Variants in RANBP2 observed in about 807,000 individuals in gnomAD.
The protein encoded by RANBP2 is RAN binding protein 2.
Under a neutral mutation model 303.6 loss-of-function variants are expected in RANBP2, and 57 were observed. The observed-to-expected ratio is 0.19, with a 90% CI of 0.15 to 0.23. The LOEUF (loss-of-function observed/expected upper bound fraction) is 0.23. Ranked by LOEUF, RANBP2 falls within the 10% of genes least tolerant of loss-of-function variation. RANBP2 has a pLI of 1.00. For synonymous variants in RANBP2, 1,167 were observed against 1,301.5 expected (o/e 0.90, Z 2.23); for missense variants, 3,138 against 3,780.8 (o/e 0.83, Z 4.46).
At chr2:109,366,917 A>C in the RANBP2 span, among the ~76,000 whole-genome samples, 4 of 152,210 alleles carry the variant, frequency 2.6e-5, no homozygotes, top group Non-Finnish European at 5.9e-5. Context: ...AGGTAAGCTG[A>C]AATACCAGCG....
chr2:109,442,094 G>A, the RANBP2 span, among the ~76,000 whole-genome samples: 7 of 152,074 alleles, frequency 4.6e-5, no homozygotes, highest in African/African-American at 1.4e-4. Flanking sequence ...GGTGGATCAC[G>A]AGGTCAGGAG....
the RANBP2 span, chr2:109,432,384 T>G: frequency 1.1e-5 from 14 of 1,314,306 alleles, 1 homozygote; most frequent in African/African-American, 1.8e-4. Context: ...CCCCATAGAC[T>G]CTAGTGGGTC....
chr2:109,273,223 C>T, the RANBP2 span, among the ~76,000 whole-genome samples: 2 of 152,186 alleles, frequency 1.3e-5, no homozygotes. Context: ...ATTGCACAGT[C>T]GTCTGTTCAG....
At chr2:109,118,632 C>T in the RANBP2 span, among the ~76,000 whole-genome samples, 1 of 151,970 alleles carries the variant, frequency 6.6e-6, no homozygotes, top group Non-Finnish European at 1.5e-5. Flanking sequence ...TGGGCAGACC[C>T]CTGCAGCTAA....
the RANBP2 span, among the ~76,000 whole-genome samples, chr2:109,483,475 A>T: frequency 2.0e-5 from 3 of 152,032 alleles, no homozygotes; most frequent in African/African-American, 7.3e-5. Flanking sequence ...TCCCCGCAAG[A>T]CCTTGGCACC....
At chr2:108,974,191 G>A in the RANBP2 span, among the ~76,000 whole-genome samples, 16 of 151,602 alleles carry the variant, frequency 1.1e-4, no homozygotes, top group African/African-American at 2.4e-4. Context: ...TTAGCTGGGC[G>A]TGGTGGCAGG....
chr2:109,002,244 C>A, the RANBP2 span, among the ~76,000 whole-genome samples: 1 of 152,352 alleles, frequency 6.6e-6, no homozygotes, highest in South Asian at 2.1e-4. Context: ...TGGCCCTGTG[C>A]TTGCTCCTGG....
At chr2:109,714,485 AGAGATGGGG>A in the RANBP2 span, among the ~76,000 whole-genome samples, 1 of 151,742 alleles carries the variant, frequency 6.6e-6, no homozygotes, top group Non-Finnish European at 1.5e-5. Context: ...TATTTTTAGT[AGAGATGGGG>A]TTTCACCATA....
chr2:109,002,954 TC>T, the RANBP2 span, among the ~76,000 whole-genome samples: 1 of 152,070 alleles, frequency 6.6e-6, no homozygotes, highest in African/African-American at 2.4e-5. Context: ...ACACCTGTAA[TC>T]CCAGCACTTT....
chr2:109,035,029 G>C, the RANBP2 span, among the ~76,000 whole-genome samples: 5 of 152,306 alleles, frequency 3.3e-5, no homozygotes, highest in East Asian at 9.6e-4. Flanking sequence ...CCCAGTGCTG[G>C]AGAGCTATCC....
At chr2:109,698,689 CTT>C in the RANBP2 span, among the ~76,000 whole-genome samples, 3 of 143,662 alleles carry the variant, frequency 2.1e-5, no homozygotes, top group African/African-American at 2.5e-5. Flanking sequence ...TGCATGACAG[CTT>C]TTTTTTTTTT....
the RANBP2 span, among the ~76,000 whole-genome samples, chr2:109,456,886 C>T: frequency 6.6e-6 from 1 of 152,230 alleles, no homozygotes; most frequent in Non-Finnish European, 1.5e-5. Context: ...GCCTAGGGCT[C>T]ATGCCGCTGA....
At chr2:108,969,514 T>C in the RANBP2 span, among the ~76,000 whole-genome samples, 3 of 152,254 alleles carry the variant, frequency 2.0e-5, no homozygotes, top group African/African-American at 7.2e-5. Flanking sequence ...AGTGAGGATG[T>C]TGGCATGAAG....
At chr2:108,812,718 C>G in the RANBP2 span, 1 of 1,606,218 alleles carries the variant, frequency 6.2e-7, no homozygotes. Flanking sequence ...GGTAAGTTGC[C>G]TGTTCTTCTC....
the RANBP2 span, among the ~76,000 whole-genome samples, chr2:109,166,517 GTGT>G: frequency 1.3e-5 from 2 of 151,834 alleles, no homozygotes; most frequent in African/African-American, 4.8e-5. Flanking sequence ...CTCATTGGTA[GTGT>G]TACAGCTCTC....
At chr2:109,694,553 C>T in the RANBP2 span, among the ~76,000 whole-genome samples, 2 of 151,904 alleles carry the variant, frequency 1.3e-5, no homozygotes, top group Non-Finnish European at 2.9e-5. Flanking sequence ...ATTCCAAAAT[C>T]CCAAAACAAC....
At chr2:109,615,400 C>G in the RANBP2 span, 1 of 1,612,942 alleles carries the variant, frequency 6.2e-7, no homozygotes, top group South Asian at 1.1e-5. Flanking sequence ...ACCGGCTTCA[C>G]TTGCCTGCAC....
chr2:109,372,012 C>T, the RANBP2 span, among the ~76,000 whole-genome samples: 55 of 152,328 alleles, frequency 3.6e-4, no homozygotes, highest in African/African-American at 1.3e-3. Flanking sequence ...CCAACTCCCC[C>T]AAGTGCTGCT....
chr2:108,860,836 C>T, the RANBP2 span, among the ~76,000 whole-genome samples: 1 of 151,144 alleles, frequency 6.6e-6, no homozygotes, highest in African/African-American at 2.4e-5. Flanking sequence ...AGGGAGGAGT[C>T]CCTCCTCCTC....
Sources: gnomAD v4.1 joint callset for allele counts (sites outside exome capture counted in the v4.1 genomes callset) on GRCh38, gnomAD v4.1.1 for gene constraint, MANE v1.5 for transcripts, NCBI Gene and HGNC (gene_info 2026-07-23, HGNC 2026-07-21) for gene names.